MAGI3: variants seen among roughly 807,000 people sequenced by gnomAD.
The protein encoded by MAGI3 is membrane-associated guanylate kinase, WW and PDZ domain-containing protein 3.
A neutral mutation model predicts 121.8 loss-of-function variants in MAGI3; 43 were observed. That is an observed-to-expected ratio of 0.35 (90% confidence interval 0.28 to 0.46). The LOEUF is 0.46. MAGI3 is among the 20% of genes least tolerant of loss of function. MAGI3 has a pLI of 1.00. For synonymous variants in MAGI3, 553 were observed against 639.3 expected (o/e 0.86, Z 2.04); for missense variants, 1,547 against 1,797.3 (o/e 0.86, Z 2.52).
intron 1 of MAGI3, among the ~76,000 whole-genome samples, chr1:113,549,036 A>C (rs1428155195): frequency 6.6e-6 from 1 of 152,202 alleles, no homozygotes; most frequent in Non-Finnish European, 1.5e-5. Context: ...TGGGGAGGAA[A>C]CATTGGGGGC....
intron 1 of MAGI3, among the ~76,000 whole-genome samples, chr1:113,413,568 T>C (rs1272327209): frequency 6.6e-6 from 1 of 152,186 alleles, no homozygotes; most frequent in East Asian, 1.9e-4. Context: ...CAGTGGTTTG[T>C]AGTTCTCCTT....
At chr1:113,640,643 G>A (rs538229757) in intron 9 of MAGI3, among the ~76,000 whole-genome samples, 224 of 151,856 alleles carry the variant, frequency 1.5e-3, no homozygotes, top group African/African-American at 5.2e-3. Flanking sequence ...AAAACCAAAC[G>A]CTGCATGTTC....
intron 1 of MAGI3, among the ~76,000 whole-genome samples, chr1:113,519,267 A>G (rs191555475): frequency 3.3e-5 from 5 of 152,270 alleles, no homozygotes; most frequent in Admixed American, 3.3e-4. Flanking sequence ...ATAGCTTCAA[A>G]GTATGATTGG....
Position 113,500,518 on chromosome 1 carries a change from G to T in MAGI3, c.317-48997G>T. Among the ~76,000 whole-genome samples the T allele has an allele frequency of 5.3e-5, 2 of 38,042 alleles. 1 individual carries two copies. Among genetic ancestry groups the T allele is most frequent in the Non-Finnish European group, 8.5e-5 (2 of 23,450 alleles). The allele number at this position is 38,042 out of a possible 152,430, so 25.0% of individuals were successfully genotyped here. A position where few individuals can be genotyped will look rare whatever the true frequency, so the allele number is the denominator to read the frequency against. On this transcript the variant is annotated intron_variant, in intron 1 of 20. Coordinates refer to ENST00000307546, the MANE Select transcript of MAGI3 (RefSeq NM_001142782.2). ...CACTCTCCCAAGACTAAAACAGGAA[G>T]AAGTTGAATCTCTGAATGGACCAAT...
chr1:113,635,050 A>G (rs1428135485), intron 9 of MAGI3, among the ~76,000 whole-genome samples: 2 of 152,172 alleles, frequency 1.3e-5, no homozygotes, highest in African/African-American at 2.4e-5. Flanking sequence ...TTATTGGTGT[A>G]TAAGAATGCT....
intron 9 of MAGI3, among the ~76,000 whole-genome samples, chr1:113,640,909 T>A (rs1294068666): frequency 3.3e-5 from 4 of 121,440 alleles, no homozygotes; most frequent in African/African-American, 1.3e-4. Flanking sequence ...ATATATATAT[T>A]TATATATGAT....
In MAGI3 at chr1:113,546,068, T is replaced by A. The variant is rs1335631512; in HGVS notation, c.317-3447T>A. On this transcript the variant is annotated intron_variant, in intron 1 of 20. Transcript: ENST00000307546. ...CTGTTCAAGATATTTACATATTTTT[T>A]AAAAAAATACAAATTCCCTGGAATC... Among the ~76,000 whole-genome samples, 9 of 152,302 alleles carry A rather than the reference T, an allele frequency of 5.9e-5. No individual in the cohort carries two copies. The East Asian group carries it at 9.7e-4, about 16-fold the overall frequency.
At chr1:113,550,820 T>G (rs1435012838) in intron 2 of MAGI3, among the ~76,000 whole-genome samples, 2 of 151,046 alleles carry the variant, frequency 1.3e-5, no homozygotes, top group African/African-American at 4.8e-5. Context: ...GTTAACTAGA[T>G]TTTATTCCTG....
chr1:113,554,628 T>C (rs567299842), intron 2 of MAGI3, among the ~76,000 whole-genome samples: 1 of 151,992 alleles, frequency 6.6e-6, no homozygotes, highest in African/African-American at 2.4e-5. Flanking sequence ...AACAGGACTA[T>C]GATGCATTTA....
intron 1 of MAGI3, among the ~76,000 whole-genome samples, chr1:113,452,701 G>A (rs1654546295): frequency 6.6e-6 from 1 of 152,058 alleles, no homozygotes; most frequent in Admixed American, 6.6e-5. Context: ...TTTTTTCTCT[G>A]TTGACCTGAA....
At chr1:113,483,252 A>G (rs1236581334) in intron 1 of MAGI3, among the ~76,000 whole-genome samples, 6 of 152,174 alleles carry the variant, frequency 3.9e-5, no homozygotes, top group Admixed American at 3.9e-4. Context: ...CTGACTTTTG[A>G]TGCTCTTTCT....
At chr1:113,650,769 G>C (rs1025604426) in intron 13 of MAGI3, among the ~76,000 whole-genome samples, 13 of 152,132 alleles carry the variant, frequency 8.5e-5, no homozygotes, top group African/African-American at 3.1e-4. Flanking sequence ...GAACAACTTT[G>C]TATTTTCTAT....
At chr1:113,637,725 G>A (rs1419533407) in intron 9 of MAGI3, among the ~76,000 whole-genome samples, 3 of 151,934 alleles carry the variant, frequency 2.0e-5, no homozygotes, top group Non-Finnish European at 2.9e-5. Context: ...TGCTCTTCTC[G>A]AGGAGTATCT....
Position 113,590,614 on chromosome 1 carries a change from C to T in MAGI3, c.894C>T (p.Asn298=). ...RDETLEPLPK[N]WEMAYTDTGM... Reference sequence around the variant, plus strand: ...AGACTCTGGAACCACTGCCCAAAAACTGGGAAATGGCCTACACTGACACAG... The same window carrying T: ...AGACTCTGGAACCACTGCCCAAAAATTGGGAAATGGCCTACACTGACACAG... The change falls in exon 5 of 21, where the codon AAC becomes AAT. Residue 298 remains asparagine (N), a synonymous_variant. Coordinates refer to ENST00000307546, the MANE Select transcript of MAGI3 (RefSeq NM_001142782.2). The T allele has an allele frequency of 6.2e-7, 1 of 1,613,736 alleles. No homozygotes were observed. The highest frequency in any genetic ancestry group is 8.5e-7 in the Non-Finnish European group (1 of 1,179,724).
At chr1:113,437,860 CTTCCTCTTCT>C (rs1653678901) in intron 1 of MAGI3, among the ~76,000 whole-genome samples, 2 of 47,012 alleles carry the variant, frequency 4.3e-5, no homozygotes, top group Non-Finnish European at 8.1e-5. Context: ...TCTTCTTCTT[CTTCCTCTTCT>C]TCTTCTTCTC....
chr1:113,556,159 AG>A (rs1211361154), intron 2 of MAGI3, among the ~76,000 whole-genome samples: 1 of 152,190 alleles, frequency 6.6e-6, no homozygotes, highest in African/African-American at 2.4e-5. Flanking sequence ...TTCTACCTTG[AG>A]AATCTTAAAA....
chr1:113,450,326 G>A (rs748911582), intron 1 of MAGI3: 18 of 1,480,896 alleles, frequency 1.2e-5, no homozygotes, highest in Non-Finnish European at 1.7e-5. Context: ...AACTTTGGAG[G>A]TGGTGGAGGA....
At chr1:113,427,633 C>T (rs1266418357) in intron 1 of MAGI3, among the ~76,000 whole-genome samples, 2 of 152,124 alleles carry the variant, frequency 1.3e-5, no homozygotes, top group Non-Finnish European at 2.9e-5. Context: ...CTCTTACTAC[C>T]GTACCTTCCA....
At chr1:113,448,404 A>G (rs1249845174) in intron 1 of MAGI3, among the ~76,000 whole-genome samples, 1 of 152,176 alleles carries the variant, frequency 6.6e-6, no homozygotes, top group Non-Finnish European at 1.5e-5. Context: ...GGAAATTTGA[A>G]CCTACCCTTC....
Sources: gnomAD v4.1 joint callset for allele counts (sites outside exome capture counted in the v4.1 genomes callset) on GRCh38, gnomAD v4.1.1 for gene constraint, MANE v1.5 for transcripts, NCBI Gene and HGNC (gene_info 2026-07-23, HGNC 2026-07-21) for gene names.